The following RXFP2 variants were observed in gnomAD, a reference collection of about 807,000 sequenced individuals.
RXFP2 encodes the protein relaxin family peptide receptor 2, also known as relaxin receptor 2.
Under a neutral mutation model 88.6 loss-of-function variants are expected in RXFP2, and 68 were observed. The observed-to-expected ratio is 0.77, with a 90% confidence interval of 0.63 to 0.94. The LOEUF is 0.94. Among genes scored for constraint, RXFP2 ranks in the 40% least tolerant of loss-of-function variants. The pLI, the probability that RXFP2 is intolerant of heterozygous loss-of-function variation, is 0.00. For synonymous variants in RXFP2, 329 were observed against 306.8 expected, an observed-to-expected ratio of 1.07 and a Z score of -0.76; for missense variants, 791 against 893.9, an observed-to-expected ratio of 0.88 and a Z score of 1.47.
chr13:31,789,048 C>T (rs1017856379), intron 13 of RXFP2, 74 bp from the exon 14 acceptor site: 28 of 897,426 alleles, frequency 3.1e-5, no homozygotes, highest in African/African-American at 8.1e-5. Context: ...CATTATATTT[C>T]GGATATGATG....
intron 11 of RXFP2, among the ~76,000 whole-genome samples, chr13:31,783,251 G>C (rs1264602627): frequency 6.6e-6 from 1 of 152,170 alleles, no homozygotes; most frequent in Non-Finnish European, 1.5e-5. Context: ...AATATTCAGA[G>C]AGCTCATGTG....
At chr13:31,772,244 T>C (rs1566225743) in intron 5 of RXFP2, among the ~76,000 whole-genome samples, 1 of 152,202 alleles carries the variant, frequency 6.6e-6, no homozygotes. Flanking sequence ...GAATTCCTTC[T>C]TAATCTGGGT....
chr13:31,749,885 C>A (rs1449387456), intron 1 of RXFP2, among the ~76,000 whole-genome samples: 2 of 152,124 alleles, frequency 1.3e-5, no homozygotes, highest in Non-Finnish European at 1.5e-5. Context: ...ATTAGCTAAG[C>A]CCTCCAGTAC....
rs141262180 is a variant in RXFP2 at position 31,776,483 on chromosome 13, A to G, written c.642-893A>G. On this transcript the variant is annotated intron_variant, in intron 7 of 17. Transcript: ENST00000298386. The stretch of plus-strand genomic sequence containing the variant: ...ACCATGTTGCCCAGGATGGTCTCCA[A>G]CTCCTGAGCTCAAGCGATCTGCCTG... Among the ~76,000 whole-genome samples the G allele has an allele frequency of 6.4e-4, 96 of 150,388 alleles. 2 individuals carry two copies. In the East Asian group the frequency reaches 0.018, roughly 28 times the overall value.
At chr13:31,787,247 GC>G (rs1455236438) in intron 13 of RXFP2, among the ~76,000 whole-genome samples, 2 of 152,222 alleles carry the variant, frequency 1.3e-5, no homozygotes, top group Admixed American at 6.5e-5. Flanking sequence ...AGACTACGCT[GC>G]CTGACTGCAG....
chr13:31,781,810 T>A, intron 10 of RXFP2, 68 bp downstream of exon 10: 2 of 1,324,960 alleles, frequency 1.5e-6, no homozygotes, highest in Non-Finnish European at 2.2e-6. Flanking sequence ...AAAGAAAACA[T>A]TGACAAAAAA....
intron 1 of RXFP2, among the ~76,000 whole-genome samples, chr13:31,749,032 A>G (rs886783114): frequency 3.3e-5 from 5 of 152,030 alleles, no homozygotes; most frequent in Non-Finnish European, 7.4e-5. Context: ...TAATTTGTAT[A>G]TTGTCTAATT....
chr13:31,748,289 C>T (rs947656127), intron 1 of RXFP2, among the ~76,000 whole-genome samples: 2 of 152,146 alleles, frequency 1.3e-5, no homozygotes, highest in African/African-American at 4.8e-5. Context: ...CAATTTCAAA[C>T]TTAGTAGATA....
At chr13:31,746,002 C>A (rs879374694) in intron 1 of RXFP2, among the ~76,000 whole-genome samples, 17 of 152,190 alleles carry the variant, frequency 1.1e-4, no homozygotes, top group African/African-American at 3.9e-4. Flanking sequence ...CAAGTCATAG[C>A]CTTGACCTTG....
intron 14 of RXFP2, among the ~76,000 whole-genome samples, chr13:31,791,416 A>G (rs1208445210): frequency 2.0e-5 from 3 of 152,216 alleles, no homozygotes; most frequent in Non-Finnish European, 2.9e-5. Flanking sequence ...GAGCGACAAT[A>G]GGCTTTTCCC....
intron 1 of RXFP2, among the ~76,000 whole-genome samples, chr13:31,741,645 A>G (rs148180572): frequency 6.6e-6 from 1 of 152,312 alleles, no homozygotes; most frequent in East Asian, 1.9e-4. Context: ...TCTGACCATC[A>G]TCACTCTGGA....
chr13:31,792,769 G>A lies in RXFP2; in HGVS notation c.1467G>A (p.Trp489Ter), dbSNP rs199913872. 210 of 1,614,134 alleles carry A rather than the reference G, an allele frequency of 1.3e-4. No individual in the cohort carries two copies. Among genetic ancestry groups the A allele is most frequent in the Non-Finnish European group, 1.7e-4 (204 of 1,180,024 alleles). ...RGQYQKYALL[W>*]MESVQCRLMG... ...AGTATCAGAAGTATGCCTTGCTGTG[G>A]ATGGAGAGCGTGCAGTGCCGCCTCA... The change falls in exon 16 of 18, where the codon TGG (tryptophan) becomes TGA (stop). Residue 489 changes from tryptophan to a stop codon, truncating the protein, a stop_gained. Transcript: ENST00000298386. LOFTEE classifies it high-confidence loss of function.
At chr13:31,802,115 C>CT (rs770603806) in intron 17 of RXFP2, 31 bp from the exon 18 acceptor site, 15 of 1,609,996 alleles carry the variant, frequency 9.3e-6, no homozygotes, top group South Asian at 4.4e-5. Context: ...AAAACTTCAA[C>CT]TTTTTTTTCA....
rs1263198211 is a variant in RXFP2 at position 31,791,965 on chromosome 13, T to C, written c.1305T>C (p.Phe435=). The change falls in exon 15 of 18, where the codon TTT becomes TTC. Residue 435 remains phenylalanine (F), a synonymous_variant. Transcript: ENST00000298386. ...TCATTACCTGCTTTGGAAATCTTTT[T>C]GTCATTGGCATGAGATCTTTCATTA... is the stretch of plus-strand genomic sequence containing the variant. ...IAFITCFGNL[F]VIGMRSFIKA... The C allele has an allele frequency of 3.1e-6, 5 of 1,614,218 alleles. No homozygotes were observed. The highest frequency in any genetic ancestry group is 4.2e-6 in the Non-Finnish European group (5 of 1,180,020).
chr13:31,742,754 G>C (rs1455323128), intron 1 of RXFP2, among the ~76,000 whole-genome samples: 3 of 152,084 alleles, frequency 2.0e-5, no homozygotes, highest in Non-Finnish European at 4.4e-5. Flanking sequence ...ATCGAAAAAT[G>C]GCACATTTTT....
Position 31,792,666 on chromosome 13 carries a change from A to G in RXFP2, c.1376-12A>G, listed in dbSNP as rs1295257807. On this transcript the variant is annotated splice_polypyrimidine_tract_variant and intron_variant, in intron 15 of 17. Transcript: ENST00000298386. ...GAAACTGATGACATACACTGTTTCA[A>G]TTCTTCCACAGGTGCTGATTGCCTG... is the stretch of plus-strand genomic sequence containing the variant. The G allele has an allele frequency of 9.3e-6, 15 of 1,613,722 alleles. No individual in the cohort carries two copies. Among genetic ancestry groups the G allele is most frequent in the East Asian group, 4.5e-5 (2 of 44,896 alleles).
chr13:31,788,020 G>T (rs1394957245), intron 13 of RXFP2, among the ~76,000 whole-genome samples: 1 of 151,846 alleles, frequency 6.6e-6, no homozygotes, highest in Non-Finnish European at 1.5e-5. Context: ...ACAAAGCATT[G>T]TTTTAGCACT....
intron 4 of RXFP2, 29 bp downstream of exon 4, chr13:31,765,171 C>A: frequency 7.6e-7 from 1 of 1,320,372 alleles, no homozygotes; most frequent in Non-Finnish European, 1.1e-6. Context: ...TTGGTGATAT[C>A]TGTCCCTATA....
chr13:31,795,724 T>TTTTTAACAACTTTTTTAACAACA (rs1874001485), intron 16 of RXFP2, among the ~76,000 whole-genome samples: 1 of 143,614 alleles, frequency 7.0e-6, no homozygotes, highest in Admixed American at 6.8e-5. Context: ...CAGATTCATA[T>TTTTTAACAACTTTTTTAACAACA]TTTTTAACAA....
Sources: gnomAD v4.1 joint callset for allele counts (sites outside exome capture counted in the v4.1 genomes callset) on GRCh38, gnomAD v4.1.1 for gene constraint, MANE v1.5 for transcripts, NCBI Gene and HGNC (gene_info 2026-07-23, HGNC 2026-07-21) for gene names.